Variants in FBXL20 observed in about 807,000 individuals in gnomAD.
FBXL20 encodes F-box and leucine rich repeat protein 20.
In FBXL20, 11 loss-of-function variants were observed where a neutral mutation model predicts 64.0. The observed-to-expected ratio is 0.17, with a 90% CI of 0.11 to 0.28. FBXL20 has a LOEUF of 0.28. Among genes scored for constraint, FBXL20 ranks in the 10% least tolerant of loss-of-function variants. FBXL20 has a pLI of 1.00. For missense variants in FBXL20, 303 were observed against 526.2 expected (o/e 0.58, Z 4.15); for synonymous variants, 184 against 189.0 (o/e 0.97, Z 0.22).
intron 2 of FBXL20, among the ~76,000 whole-genome samples, chr17:39,312,989 G>T (rs1396383307): frequency 6.8e-6 from 1 of 147,906 alleles, no homozygotes; most frequent in African/African-American, 2.6e-5. Flanking sequence ...CGCGATCTCG[G>T]CTCACTGCAA....
chr17:39,280,500 T>C (rs1489918876), intron 9 of FBXL20, among the ~76,000 whole-genome samples: 1 of 150,586 alleles, frequency 6.6e-6, no homozygotes, highest in South Asian at 2.1e-4. Flanking sequence ...GAGGTGGAGG[T>C]TGGCTGCAGT....
intron 6 of FBXL20, among the ~76,000 whole-genome samples, chr17:39,293,433 G>C (rs2047058430): frequency 6.6e-6 from 1 of 151,894 alleles, no homozygotes; most frequent in Admixed American, 6.6e-5. Flanking sequence ...ATGTTGGCCA[G>C]GCTGGTCTTG....
intron 1 of FBXL20, among the ~76,000 whole-genome samples, chr17:39,363,725 T>C (rs2144619943): frequency 6.7e-6 from 1 of 148,784 alleles, no homozygotes; most frequent in South Asian, 2.1e-4. Flanking sequence ...GTGAGAGGAT[T>C]GCTTAAGCCC....
intron 1 of FBXL20, among the ~76,000 whole-genome samples, chr17:39,380,855 A>C (rs1353952538): frequency 6.6e-6 from 1 of 152,140 alleles, no homozygotes; most frequent in East Asian, 1.9e-4. Flanking sequence ...CTACCATTAA[A>C]AACTATAGAA....
At chr17:39,373,150 C>T (rs1381527827) in intron 1 of FBXL20, among the ~76,000 whole-genome samples, 1 of 152,022 alleles carries the variant, frequency 6.6e-6, no homozygotes, top group African/African-American at 2.4e-5. Flanking sequence ...TTTCTGACCC[C>T]CTTTGTAGAG....
chr17:39,272,701 C>CAAA (rs56138431), intron 10 of FBXL20, among the ~76,000 whole-genome samples: 4 of 98,876 alleles, frequency 4.0e-5, no homozygotes, highest in African/African-American at 1.5e-4. Context: ...AACTCTATCT[C>CAAA]AAAAAAAAAA....
At chr17:39,359,251 G>A (rs1478236608) in intron 1 of FBXL20, among the ~76,000 whole-genome samples, 1 of 152,152 alleles carries the variant, frequency 6.6e-6, no homozygotes, top group African/African-American at 2.4e-5. Flanking sequence ...CAGGAAAATG[G>A]CTTGAGTCCA....
At position 39,254,550 on chromosome 17, in the gene FBXL20, T is replaced by G. The variant is rs1001784944; in HGVS notation, c.*6910A>C. ...TGCCCAGATGCAGCTGGGGTGCACTTGTGGTTCTTTCGGTGGTGCCAAAAC... is the reference window on the plus strand; with the variant it reads ...TGCCCAGATGCAGCTGGGGTGCACTGGTGGTTCTTTCGGTGGTGCCAAAAC... On this transcript the variant is annotated 3_prime_UTR_variant, in exon 15 of 15. Transcript: ENST00000264658. 3.9e-5 allele frequency: 6 copies of G among 154,506 alleles called. No individual in the cohort carries two copies. Among genetic ancestry groups the G allele is most frequent in the African/African-American group, 1.4e-4 (6 of 41,488 alleles). The allele number at this position is 154,506 out of a possible 1,614,324, so 9.6% of individuals were successfully genotyped here. A position where few individuals can be genotyped will look rare whatever the true frequency, so the allele number is the denominator to read the frequency against.
At chr17:39,384,398 G>A (rs1280455675) in intron 1 of FBXL20, among the ~76,000 whole-genome samples, 3 of 151,184 alleles carry the variant, frequency 2.0e-5, no homozygotes, top group Non-Finnish European at 2.9e-5. Context: ...GGTGGTGCGC[G>A]CCTGTAGTCC....
At chr17:39,344,606 C>G (rs1418415075) in intron 1 of FBXL20, among the ~76,000 whole-genome samples, 2 of 150,468 alleles carry the variant, frequency 1.3e-5, no homozygotes, top group Non-Finnish European at 3.0e-5. Flanking sequence ...GCCAACATGG[C>G]GAAACCCCAT....
intron 1 of FBXL20, among the ~76,000 whole-genome samples, chr17:39,374,257 A>T (rs8077104): frequency 6.6e-6 from 1 of 150,478 alleles, no homozygotes; most frequent in Admixed American, 6.6e-5. Flanking sequence ...GACCAGTCGG[A>T]ATGGCTCACG....
At chr17:39,401,314 C>G (rs779429105) in intron 1 of FBXL20, 47 bp downstream of exon 1, 1 of 1,612,034 alleles carries the variant, frequency 6.2e-7, no homozygotes, top group Non-Finnish European at 8.5e-7. Context: ...GGGATTAGAG[C>G]GCGCGACCCG....
intron 1 of FBXL20, among the ~76,000 whole-genome samples, chr17:39,348,807 C>A (rs537736921): frequency 3.3e-5 from 5 of 152,120 alleles, no homozygotes; most frequent in Admixed American, 6.5e-5. Flanking sequence ...CAATGCTCCC[C>A]CTTCGGCCTC....
At position 39,303,652 on chromosome 17, in the gene FBXL20, G is replaced by T; in HGVS notation, c.105-13C>A. 1.2e-6 allele frequency: 2 copies of T among 1,602,406 alleles called. No individual in the cohort carries two copies. Among genetic ancestry groups the T allele is most frequent in the Non-Finnish European group, 1.7e-6 (2 of 1,173,932 alleles). ...AAAAGAAAATATCCTAAAAAGAAAA[G>T]AGAGAAAGACAAATTTTATTGTATG... On this transcript the variant is annotated splice_polypyrimidine_tract_variant and intron_variant, in intron 2 of 14. Coordinates refer to ENST00000264658, the MANE Select transcript of FBXL20 (RefSeq NM_032875.3).
At chr17:39,366,488 T>C (rs570540410) in intron 1 of FBXL20, among the ~76,000 whole-genome samples, 4 of 152,314 alleles carry the variant, frequency 2.6e-5, no homozygotes, top group East Asian at 3.9e-4. Flanking sequence ...TTCTCTTTTA[T>C]TGCATTGTTT....
rs78187586 is a variant in FBXL20, at chr17:39,277,974, T to C, written c.697-2874A>G. Among the ~76,000 whole-genome samples the C allele has an allele frequency of 4.8e-3, 725 of 152,150 alleles. 10 individuals carry two copies. Among genetic ancestry groups the C allele is most frequent in the African/African-American group, 0.016 (672 of 41,510 alleles). ...GGAAAACAATAAAATACACATAAGATAGAATTGGTTCTTTACGTTCACTGT... is the reference window on the plus strand; with the variant it reads ...GGAAAACAATAAAATACACATAAGACAGAATTGGTTCTTTACGTTCACTGT... On this transcript the variant is annotated intron_variant, in intron 9 of 14. Transcript: ENST00000264658.
intron 1 of FBXL20, among the ~76,000 whole-genome samples, chr17:39,374,658 A>G (rs1238167091): frequency 4.6e-5 from 7 of 152,256 alleles, no homozygotes; most frequent in Admixed American, 4.6e-4. Context: ...TAGGATTCCT[A>G]AAAACTAATT....
At chr17:39,339,271 G>C (rs908288785) in intron 2 of FBXL20, among the ~76,000 whole-genome samples, 4 of 151,598 alleles carry the variant, frequency 2.6e-5, no homozygotes, top group African/African-American at 9.7e-5. Context: ...TAGTTTAAGA[G>C]TAGCCTGGGT....
upstream of FBXL20, chr17:39,402,263 TGCCGCCGCGCCTCCGCGGTTGCCGCC>T: frequency 1.9e-6 from 2 of 1,079,724 alleles, no homozygotes; most frequent in Non-Finnish European, 2.2e-6. Flanking sequence ...GCAGTGCGGC[TGCCGCCGCGCCTCCGCGGTTGCCGCC>T]GCCGCCGCCT....
Sources: gnomAD v4.1 joint callset for allele counts (sites outside exome capture counted in the v4.1 genomes callset) on GRCh38, gnomAD v4.1.1 for gene constraint, MANE v1.5 for transcripts, NCBI Gene and HGNC (gene_info 2026-07-23, HGNC 2026-07-21) for gene names.